The following SELENOF variants were observed in gnomAD, a reference collection of about 807,000 sequenced individuals.
The protein encoded by SELENOF is selenoprotein F, also known as 15 kDa selenoprotein.
SELENOF carries 16 observed loss-of-function variants against 20.5 expected under a neutral mutation model. The observed-to-expected ratio is 0.78, with a 90% confidence interval of 0.53 to 1.19. The LOEUF is 1.19. Ranked by LOEUF, SELENOF falls within the 50% of genes most tolerant of loss-of-function variation. The pLI is 0.00. For synonymous variants in SELENOF, 78 were observed against 74.5 expected (o/e 1.05, Z -0.24); for missense variants, 215 against 194.2 (o/e 1.11, Z -0.64).
chr1:86,906,470 C>T (rs759579672), intron 1 of SELENOF, among the ~76,000 whole-genome samples: 8 of 152,196 alleles, frequency 5.3e-5, no homozygotes, highest in South Asian at 2.1e-4. Context: ...AATCTGGGCA[C>T]GGGCCATGAC....
intron 2 of SELENOF, among the ~76,000 whole-genome samples, chr1:86,885,298 A>G (rs1199949363): frequency 6.6e-6 from 1 of 152,200 alleles, no homozygotes; most frequent in Admixed American, 6.5e-5. Context: ...ATGTAGAAAA[A>G]GGCCACACTA....
intron 3 of SELENOF, 60 bp from the exon 4 acceptor site, chr1:86,868,162 G>T (rs544779467): frequency 2.5e-6 from 2 of 796,368 alleles, no homozygotes; most frequent in East Asian, 2.6e-5. Context: ...TAGCTAAAAA[G>T]ATTAATATAA....
At chr1:86,890,450 A>C (rs1405897409) in intron 2 of SELENOF, among the ~76,000 whole-genome samples, 1 of 152,156 alleles carries the variant, frequency 6.6e-6, no homozygotes, top group African/African-American at 2.4e-5. Context: ...AATAAGAAGT[A>C]AACATTTCCT....
intron 3 of SELENOF, among the ~76,000 whole-genome samples, chr1:86,870,352 ACTTTATC>A (rs1275700548): frequency 3.9e-5 from 6 of 152,170 alleles, no homozygotes; most frequent in African/African-American, 1.4e-4. Flanking sequence ...ATTTCTATTA[ACTTTATC>A]CTTTAGGATT....
At chr1:86,868,786 T>C (rs1457722527) in intron 3 of SELENOF, among the ~76,000 whole-genome samples, 1 of 151,970 alleles carries the variant, frequency 6.6e-6, no homozygotes, top group African/African-American at 2.4e-5. Context: ...CTCCTAAGCA[T>C]GACCCAAAAG....
At position 86,862,933 on chromosome 1, in the gene SELENOF, G is replaced by A. The variant is rs1658493595; in HGVS notation, c.*541C>T. The A allele has an allele frequency of 6.6e-6, 1 of 152,602 alleles. No individual in the cohort carries two copies. 9.5% of individuals were successfully genotyped at this position (152,602 alleles called of 1,614,324 possible). A position where few individuals can be genotyped will look rare whatever the true frequency, so the allele number is the denominator to read the frequency against. On this transcript the variant is annotated 3_prime_UTR_variant, in exon 5 of 5. Transcript: ENST00000331835. ...GATCTTGAATATGTTTTACAATAATGAAGCTACAAAGTTTTTATGCAGTGC... is the reference window on the plus strand; with the variant it reads ...GATCTTGAATATGTTTTACAATAATAAAGCTACAAAGTTTTTATGCAGTGC...
intron 2 of SELENOF, among the ~76,000 whole-genome samples, chr1:86,896,401 A>T (rs1056101535): frequency 1.3e-5 from 2 of 152,338 alleles, no homozygotes; most frequent in Admixed American, 1.3e-4. Flanking sequence ...AAGTGCACAG[A>T]ATTTGCAAGA....
At chr1:86,872,812 G>A (rs907297605) in intron 3 of SELENOF, among the ~76,000 whole-genome samples, 5 of 152,028 alleles carry the variant, frequency 3.3e-5, no homozygotes, top group Admixed American at 6.5e-5. Flanking sequence ...GGAGGCCGAG[G>A]TGGGAGGATC....
At chr1:86,878,511 C>T (rs937635343) in intron 3 of SELENOF, among the ~76,000 whole-genome samples, 4 of 152,134 alleles carry the variant, frequency 2.6e-5, no homozygotes, top group South Asian at 2.1e-4. Context: ...AAAACCCCGC[C>T]TCTACTAAAA....
chr1:86,868,257 C>T (rs1021425827), intron 3 of SELENOF, among the ~76,000 whole-genome samples, 155 bp from the exon 4 acceptor site: 1 of 152,082 alleles, frequency 6.6e-6, no homozygotes, highest in African/African-American at 2.4e-5. Flanking sequence ...AATGGAGAGA[C>T]ATACCATATT....
intron 2 of SELENOF, among the ~76,000 whole-genome samples, chr1:86,891,686 CATAAA>C (rs1659386692): frequency 6.6e-6 from 1 of 152,030 alleles, no homozygotes; most frequent in African/African-American, 2.4e-5. Context: ...TAAATAACTT[CATAAA>C]ATAAACTTAA....
intron 3 of SELENOF, among the ~76,000 whole-genome samples, chr1:86,873,904 C>A (rs893205988): frequency 1.3e-5 from 2 of 151,390 alleles, no homozygotes; most frequent in African/African-American, 4.8e-5. Context: ...GCTAGTTGGT[C>A]ACTCCAGGTC....
At chr1:86,884,376 C>CAT (rs750562310) in intron 2 of SELENOF, among the ~76,000 whole-genome samples, 1 of 146,360 alleles carries the variant, frequency 6.8e-6, no homozygotes. Context: ...CACACACACA[C>CAT]ATATACACAC....
At chr1:86,883,858 C>T (rs1214408704) in intron 2 of SELENOF, among the ~76,000 whole-genome samples, 11 of 152,140 alleles carry the variant, frequency 7.2e-5, no homozygotes, top group Admixed American at 3.9e-4. Context: ...ACACCCATAA[C>T]CCACTCATGG....
At chr1:86,864,681 G>A (rs947849753) in intron 4 of SELENOF, among the ~76,000 whole-genome samples, 4 of 150,494 alleles carry the variant, frequency 2.7e-5, no homozygotes, top group African/African-American at 9.8e-5. Flanking sequence ...TTGTTGTCCA[G>A]GCTAGAGTGC....
chr1:86,870,641 G>A (rs1658737821), intron 3 of SELENOF, among the ~76,000 whole-genome samples: 2 of 150,378 alleles, frequency 1.3e-5, no homozygotes, highest in South Asian at 4.2e-4. Flanking sequence ...TTTTTGAGAC[G>A]GAGTCTTGCT....
At chr1:86,900,264 C>A (rs1001916268) in intron 2 of SELENOF, among the ~76,000 whole-genome samples, 2 of 152,012 alleles carry the variant, frequency 1.3e-5, no homozygotes, top group East Asian at 3.9e-4. Flanking sequence ...TGTAGCGAGC[C>A]GAGATCACGC....
Position 86,904,260 on chromosome 1 carries a change from A to T in SELENOF, c.85-812T>A, listed in dbSNP as rs149958422. On this transcript the variant is annotated intron_variant, in intron 1 of 4. Transcript: ENST00000331835. ...ACTTTTGGTTTTAGGTAATAGTGCC[A>T]CCAGTTACAAGATTCGTGACCCTGG... Among the ~76,000 whole-genome samples the T allele has an allele frequency of 1.4e-4, 21 of 152,308 alleles. No homozygotes were observed. The East Asian group carries it at 3.9e-3, about 28-fold the overall frequency.
At chr1:86,896,743 T>C (rs1019292481) in intron 2 of SELENOF, among the ~76,000 whole-genome samples, 6 of 152,236 alleles carry the variant, frequency 3.9e-5, no homozygotes, top group Admixed American at 2.6e-4. Context: ...TAGATAATTA[T>C]AACCAAAGAG....
Sources: gnomAD v4.1 joint callset for allele counts (sites outside exome capture counted in the v4.1 genomes callset) on GRCh38, gnomAD v4.1.1 for gene constraint, MANE v1.5 for transcripts, NCBI Gene and HGNC (gene_info 2026-07-23, HGNC 2026-07-21) for gene names.